Variants in FUT8 observed in about 807,000 individuals in gnomAD.
The protein encoded by FUT8 is fucosyltransferase 8.
Under a neutral mutation model 71.3 loss-of-function variants are expected in FUT8, and 29 were observed. The ratio of observed to expected loss-of-function variants is 0.41; its 90% CI spans 0.30 to 0.55. The LOEUF is 0.55. Ranked by LOEUF, FUT8 falls within the 20% of genes least tolerant of loss-of-function variation. FUT8 has a pLI of 0.34. For missense variants in FUT8, 544 were observed against 702.1 expected (o/e 0.77, Z 2.55); for synonymous variants, 254 against 239.3 (o/e 1.06, Z -0.57).
chr14:65,545,417 T>C (rs1884932656), intron 2 of FUT8, among the ~76,000 whole-genome samples: 1 of 152,064 alleles, frequency 6.6e-6, no homozygotes, highest in African/African-American at 2.4e-5. Flanking sequence ...AAAAGTTTTA[T>C]TTATAATTCT....
intron 6 of FUT8, among the ~76,000 whole-genome samples, chr14:65,665,579 T>C (rs1027507451): frequency 4.6e-5 from 7 of 152,188 alleles, no homozygotes; most frequent in Non-Finnish European, 7.3e-5. Context: ...GTCCCATTAC[T>C]GGATATATAC....
the FUT8 span, among the ~76,000 whole-genome samples, chr14:65,385,474 T>G: frequency 6.6e-6 from 1 of 152,190 alleles, no homozygotes; most frequent in African/African-American, 2.4e-5. Context: ...TCCTATTCTT[T>G]ATAAATACCA....
intron 5 of FUT8, among the ~76,000 whole-genome samples, chr14:65,625,318 A>G (rs996473515): frequency 2.0e-5 from 3 of 152,290 alleles, no homozygotes; most frequent in African/African-American, 7.2e-5. Context: ...TTGTGTTTCC[A>G]TGAGCAACTC....
intron 5 of FUT8, among the ~76,000 whole-genome samples, chr14:65,622,355 A>G (rs1277729856): frequency 6.6e-6 from 1 of 152,200 alleles, no homozygotes; most frequent in Non-Finnish European, 1.5e-5. Context: ...TGCGTGACAC[A>G]TTATAGATTC....
chr14:65,710,588 A>AT (rs200153147), intron 7 of FUT8, among the ~76,000 whole-genome samples: 4 of 151,188 alleles, frequency 2.6e-5, no homozygotes, highest in East Asian at 1.9e-4. Flanking sequence ...GTTGGTGATG[A>AT]TTTTTTTTTA....
At chr14:65,677,118 G>A (rs1276322783) in intron 7 of FUT8, among the ~76,000 whole-genome samples, 1 of 87,014 alleles carries the variant, frequency 1.1e-5, no homozygotes, top group Non-Finnish European at 2.6e-5. Flanking sequence ...ACATATTTGT[G>A]TGTGTGTGTG....
At chr14:65,697,859 C>T (rs1343476880) in intron 7 of FUT8, among the ~76,000 whole-genome samples, 1 of 152,048 alleles carries the variant, frequency 6.6e-6, no homozygotes, top group East Asian at 1.9e-4. Context: ...CCTGTAATCC[C>T]AGCTACTCCA....
intron 2 of FUT8, among the ~76,000 whole-genome samples, chr14:65,535,181 C>T (rs1884220777): frequency 6.6e-6 from 1 of 151,818 alleles, no homozygotes; most frequent in Non-Finnish European, 1.5e-5. Context: ...CCCATTGCAG[C>T]CTCTGCCTCC....
the FUT8 span, among the ~76,000 whole-genome samples, chr14:65,383,265 C>CTTTTTTTTTTTTTTTTT: frequency 2.1e-4 from 18 of 86,532 alleles, no homozygotes; most frequent in Non-Finnish European, 2.7e-4. Context: ...TTTTTCTTTT[C>CTTTTTTTTTTTTTTTTT]TTTTTTTTTT....
intron 1 of FUT8, among the ~76,000 whole-genome samples, chr14:65,425,239 C>T (rs2065365138): frequency 6.6e-6 from 1 of 151,394 alleles, no homozygotes; most frequent in Non-Finnish European, 1.5e-5. Context: ...GAACTCGGCT[C>T]ACCACAACCT....
intron 3 of FUT8, among the ~76,000 whole-genome samples, chr14:65,578,376 G>A (rs922045294): frequency 3.9e-5 from 6 of 152,034 alleles, no homozygotes; most frequent in Non-Finnish European, 8.8e-5. Context: ...TATTTCTTAC[G>A]TTTCTTTCAG....
chr14:65,397,030 T>C, the FUT8 span, among the ~76,000 whole-genome samples: 87,352 of 151,992 alleles, frequency 0.57, 25,358 homozygotes, highest in East Asian at 0.77. The surrounding 1 kb of genome is among the most constrained non-coding windows in gnomAD (Gnocchi z 4.2). Context: ...TTCTTGCTCA[T>C]GTCACAGTCC....
Position 65,561,418 on chromosome 14 carries a change from G to C in FUT8, c.-146G>C. On this transcript the variant is annotated 5_prime_UTR_variant, in exon 3 of 11. Coordinates refer to ENST00000673929, the MANE Select transcript of FUT8 (RefSeq NM_001371533.1). The stretch of plus-strand genomic sequence containing the variant: ...GATCTCTTTGAAAGATTCACTGCAG[G>C]ACTACCAGAGAGAATAATTTGTCTG... 1 of 708,364 alleles carries C rather than the reference G, an allele frequency of 1.4e-6. No individual in the cohort carries two copies. Among genetic ancestry groups the C allele is most frequent in the African/African-American group, 1.8e-5 (1 of 56,478 alleles). The allele number at this position is 708,364 out of a possible 1,614,324, so 43.9% of individuals were successfully genotyped here. A position where few individuals can be genotyped will look rare whatever the true frequency, so the allele number is the denominator to read the frequency against.
chr14:65,637,119 CATTGAGAAAATGCT>C (rs1890600999), intron 6 of FUT8, among the ~76,000 whole-genome samples: 1 of 152,110 alleles, frequency 6.6e-6, no homozygotes, highest in Non-Finnish European at 1.5e-5. Flanking sequence ...ATAATCATAA[CATTGAGAAAATGCT>C]ATTGTTTCTA....
chr14:65,666,002 A>T (rs575622384), intron 6 of FUT8, among the ~76,000 whole-genome samples: 2 of 152,226 alleles, frequency 1.3e-5, no homozygotes, highest in Admixed American at 6.5e-5. Context: ...AACCTGAGTG[A>T]CTAAATAAAG....
Position 65,472,438 on chromosome 14 carries a change from A to G in FUT8, c.-228+16720A>G, listed in dbSNP as rs1367078723. Among the ~76,000 whole-genome samples, 3 of 152,208 alleles carry G rather than the reference A, an allele frequency of 2.0e-5. No individual in the cohort carries two copies. Among genetic ancestry groups the G allele is most frequent in the Non-Finnish European group, 4.4e-5 (3 of 68,026 alleles). ...AGATCAAATTTCAACAGGAGGGACA[A>G]TCATCTAAGTGATAGCATAGACTCA... On this transcript the variant is annotated intron_variant, in intron 2 of 10. Coordinates refer to ENST00000673929, the MANE Select transcript of FUT8 (RefSeq NM_001371533.1). This position sits in a 1 kb window ranked among gnomAD's most constrained non-coding sequence, Gnocchi z 4.4.
intron 1 of FUT8, among the ~76,000 whole-genome samples, chr14:65,448,955 A>G (rs1269723341): frequency 6.6e-6 from 1 of 152,188 alleles, no homozygotes; most frequent in African/African-American, 2.4e-5. Flanking sequence ...GGATGACAGA[A>G]ATCACTTAAA....
At chr14:65,620,173 T>G (rs988518317) in intron 5 of FUT8, among the ~76,000 whole-genome samples, 2 of 152,158 alleles carry the variant, frequency 1.3e-5, no homozygotes, top group Non-Finnish European at 2.9e-5. Flanking sequence ...TTCATTTATT[T>G]TATTATTTTT....
chr14:65,444,943 C>T (rs1262466038), intron 1 of FUT8, among the ~76,000 whole-genome samples: 5 of 151,906 alleles, frequency 3.3e-5, no homozygotes, highest in African/African-American at 7.3e-5. Context: ...TGGTGGCTCA[C>T]GCCTGTAATC....
Sources: allele counts gnomAD v4.1 joint callset (sites outside exome capture counted in the v4.1 genomes callset), GRCh38; gene constraint gnomAD v4.1.1; non-coding constraint Gnocchi (gnomAD v3.1); transcripts MANE v1.5; gene names NCBI Gene and HGNC (gene_info 2026-07-23, HGNC 2026-07-21).